The following UNC13C variants were observed in gnomAD, a reference collection of about 807,000 sequenced individuals.
The protein encoded by UNC13C is protein unc-13 homolog C.
In UNC13C, 174 loss-of-function variants were observed where a neutral mutation model predicts 245.4. The ratio of observed to expected loss-of-function variants is 0.71; its 90% CI spans 0.63 to 0.80. The LOEUF is 0.80. Ranked by LOEUF, UNC13C falls within the 30% of genes least tolerant of loss-of-function variation. UNC13C has a pLI of 0.00. For missense variants in UNC13C, 2,829 were observed against 2,602.9 expected, an observed-to-expected ratio of 1.09 and a Z score of -1.89; for synonymous variants, 992 against 895.1, an observed-to-expected ratio of 1.11 and a Z score of -1.93.
chr15:53,870,444 G>C, the UNC13C span, among the ~76,000 whole-genome samples: 1 of 139,954 alleles, frequency 7.1e-6, no homozygotes, highest in Non-Finnish European at 1.5e-5. Context: ...CCCCACACTG[G>C]CTGGAGTGGA....
At chr15:53,984,856 G>T (rs1221627899) in intron 1 of UNC13C, among the ~76,000 whole-genome samples, 1 of 152,034 alleles carries the variant, frequency 6.6e-6, no homozygotes, top group African/African-American at 2.4e-5. Context: ...GGCAAATTGG[G>T]ATTGTTTTGG....
intron 23 of UNC13C, among the ~76,000 whole-genome samples, chr15:54,509,798 G>A (rs1431156840): frequency 6.6e-6 from 1 of 152,054 alleles, no homozygotes; most frequent in African/African-American, 2.4e-5. Flanking sequence ...GTTCCCAGTA[G>A]CAGTTTGATG....
Position 54,143,676 on chromosome 15 carries a change from G to T in UNC13C, c.3063G>T (p.Val1021=), listed in dbSNP as rs760082924. Reference sequence around the variant, plus strand: ...CTTCCAAATTTTCTGCACTCCAGGTGTGTGGTGGGTAAGTACCTTCATACC... The same window carrying T: ...CTTCCAAATTTTCTGCACTCCAGGTTTGTGGTGGGTAAGTACCTTCATACC... ...LDASKFSALQ[V]CGGAGGGLYG... is the part of the protein sequence containing the mutation. The change falls in exon 4 of 33, where the codon GTG becomes GTT. Residue 1021 remains valine (V), a synonymous_variant. Coordinates refer to ENST00000260323, the MANE Select transcript of UNC13C (RefSeq NM_001080534.3). The T allele has an allele frequency of 2.5e-6, 4 of 1,612,786 alleles. No individual in the cohort carries two copies. The highest frequency in any genetic ancestry group is 3.4e-6 in the Non-Finnish European group (4 of 1,179,062).
At chr15:54,131,650 A>G (rs1386079562) in intron 2 of UNC13C, among the ~76,000 whole-genome samples, 2 of 152,160 alleles carry the variant, frequency 1.3e-5, no homozygotes, top group Admixed American at 1.3e-4. Context: ...ACACCTAAAC[A>G]ATGTAGCATG....
At chr15:54,440,667 G>C (rs914629918) in intron 19 of UNC13C, among the ~76,000 whole-genome samples, 19 of 151,916 alleles carry the variant, frequency 1.3e-4, no homozygotes, top group African/African-American at 4.6e-4. Flanking sequence ...ACTCTGAATA[G>C]ATACCCAATA....
intron 2 of UNC13C, among the ~76,000 whole-genome samples, chr15:54,126,238 TA>T (rs2031029872): frequency 6.6e-6 from 1 of 152,098 alleles, no homozygotes; most frequent in Admixed American, 6.6e-5. Flanking sequence ...ATAAGGAACT[TA>T]ATCCAAATGT....
chr15:54,281,048 T>C (rs1278559620), intron 10 of UNC13C, among the ~76,000 whole-genome samples: 1 of 152,058 alleles, frequency 6.6e-6, no homozygotes, highest in Non-Finnish European at 1.5e-5. Context: ...TCCGCCTGCC[T>C]CAGCCTCCCA....
intron 1 of UNC13C, among the ~76,000 whole-genome samples, chr15:53,985,455 A>G (rs1410090184): frequency 6.6e-6 from 1 of 151,810 alleles, no homozygotes; most frequent in African/African-American, 2.4e-5. Flanking sequence ...ATACATGTAT[A>G]CATGTGTTAA....
At chr15:54,029,077 A>G (rs1201226229) in intron 2 of UNC13C, among the ~76,000 whole-genome samples, 1 of 152,218 alleles carries the variant, frequency 6.6e-6, no homozygotes, top group East Asian at 1.9e-4. Context: ...ACATTTCTTA[A>G]CTAAACCATC....
At chr15:54,354,106 T>A (rs2039042682) in intron 17 of UNC13C, among the ~76,000 whole-genome samples, 1 of 152,062 alleles carries the variant, frequency 6.6e-6, no homozygotes, top group African/African-American at 2.4e-5. Flanking sequence ...AAATAGAGGC[T>A]CCCATCAATT....
At chr15:54,391,534 A>G (rs1271360847) in intron 17 of UNC13C, among the ~76,000 whole-genome samples, 1 of 152,108 alleles carries the variant, frequency 6.6e-6, no homozygotes, top group East Asian at 1.9e-4. Context: ...CAGGAATTGA[A>G]AGAAGAAGCT....
rs530801150 is a variant in UNC13C at position 54,005,043 on chromosome 15, T to G, written c.-256-7605T>G. Reference sequence around the variant, plus strand: ...CTCCATTTCTCCATGTTTGCTCTGGTCACCTGTGTTTCTGTGACTCAGGCT... The same window carrying G: ...CTCCATTTCTCCATGTTTGCTCTGGGCACCTGTGTTTCTGTGACTCAGGCT... On this transcript the variant is annotated intron_variant, in intron 1 of 32. Coordinates refer to ENST00000260323, the MANE Select transcript of UNC13C (RefSeq NM_001080534.3). 2.0e-5 allele frequency among the ~76,000 whole-genome samples: 3 copies of G among 152,266 alleles called. No individual in the cohort carries two copies. In the South Asian group the frequency reaches 6.2e-4, roughly 32 times the overall value.
chr15:54,044,562 T>TG (rs1400915184), intron 2 of UNC13C: 4 of 173,266 alleles, frequency 2.3e-5, no homozygotes, highest in African/African-American at 7.2e-5. Context: ...GCAGGCGGGG[T>TG]GGGGGGTGTG....
intron 4 of UNC13C, among the ~76,000 whole-genome samples, chr15:54,166,129 A>G (rs1387067545): frequency 6.6e-6 from 1 of 152,030 alleles, no homozygotes; most frequent in Non-Finnish European, 1.5e-5. Context: ...GAATGTTATT[A>G]TAGCATTATT....
chr15:54,332,056 T>A lies in UNC13C; in HGVS notation c.4439T>A (p.Ile1480Lys). 1 of 1,581,210 alleles carries A rather than the reference T, an allele frequency of 6.3e-7. No homozygotes were observed. Among genetic ancestry groups the A allele is most frequent in the Non-Finnish European group, 8.6e-7 (1 of 1,161,840 alleles). The change falls in exon 15 of 33, where the codon ATA becomes AAA. Residue 1480 changes from isoleucine (I) to lysine (K), a missense_variant. By Grantham distance (102) the Ile-to-Lys change is moderately radical (BLOSUM62 -3). Coordinates refer to ENST00000260323, the MANE Select transcript of UNC13C (RefSeq NM_001080534.3). ...TGCTTTGTACAGAGGGAAAAATTCA[T>A]AAAACTACTGGACCAGTTACATAAC... is the stretch of plus-strand genomic sequence containing the variant. Reference protein sequence around the residue: ...AATNFGREKFIKLLDQLHNSL... With the variant: ...AATNFGREKFKKLLDQLHNSL...
At chr15:54,302,834 A>G (rs921391451) in intron 13 of UNC13C, among the ~76,000 whole-genome samples, 2 of 152,100 alleles carry the variant, frequency 1.3e-5, no homozygotes, top group Non-Finnish European at 2.9e-5. Flanking sequence ...TTGATGAAGC[A>G]TACTTCCCAA....
At chr15:53,943,483 CTTTTA>C in the UNC13C span, among the ~76,000 whole-genome samples, 1 of 152,016 alleles carries the variant, frequency 6.6e-6, no homozygotes, top group African/African-American at 2.4e-5. Context: ...AATAATTTCT[CTTTTA>C]TTTTGAGAGG....
At chr15:54,599,403 G>A (rs779277333) in intron 30 of UNC13C, among the ~76,000 whole-genome samples, 3 of 152,030 alleles carry the variant, frequency 2.0e-5, no homozygotes, top group East Asian at 1.9e-4. Context: ...CTTTGAGTTT[G>A]TGTCTTGTAC....
chr15:54,496,929 T>C (rs1387173668), intron 20 of UNC13C, among the ~76,000 whole-genome samples: 1 of 152,000 alleles, frequency 6.6e-6, no homozygotes, highest in Non-Finnish European at 1.5e-5. Flanking sequence ...AACTTATTCA[T>C]GTAACCAAAC....
Sources: allele counts gnomAD v4.1 joint callset (sites outside exome capture counted in the v4.1 genomes callset), GRCh38; gene constraint gnomAD v4.1.1; transcripts MANE v1.5; gene names NCBI Gene and HGNC (gene_info 2026-07-23, HGNC 2026-07-21).